The following ITIH6 variants were observed in gnomAD, a reference collection of about 807,000 sequenced individuals.
ITIH6 encodes the protein inter-alpha-trypsin inhibitor heavy chain family member 6, also known as inter-alpha-trypsin inhibitor heavy chain H6.
A neutral mutation model predicts 58.2 loss-of-function variants in ITIH6; 60 were observed. The ratio of observed to expected loss-of-function variants is 1.03; its 90% CI spans 0.84 to 1.28. ITIH6 has a LOEUF of 1.28. Ranked by LOEUF, ITIH6 falls within the 50% of genes most tolerant of loss-of-function variation. ITIH6 has a pLI of 0.00. For missense variants in ITIH6, 1,290 were observed against 1,021.1 expected, an observed-to-expected ratio of 1.26 and a Z score of -3.59; for synonymous variants, 493 against 417.4, an observed-to-expected ratio of 1.18 and a Z score of -2.21.
chrX:54,766,912 T>G (rs1210832531), intron 6 of ITIH6, among the ~76,000 whole-genome samples: 1 of 107,227 alleles, frequency 9.3e-6, no homozygotes, highest in Admixed American at 1.0e-4. Context: ...ATGAAATGAG[T>G]TAGGGAGGAT....
intron 11 of ITIH6, among the ~76,000 whole-genome samples, chrX:54,751,735 A>G: frequency 9.0e-6 from 1 of 111,549 alleles, no homozygotes; most frequent in Non-Finnish European, 1.9e-5. Context: ...TTTTGCTTGT[A>G]TATTTATGTA....
chrX:54,784,318 A>C (rs1407723566), intron 5 of ITIH6, among the ~76,000 whole-genome samples: 1 of 111,974 alleles, frequency 8.9e-6, no homozygotes, highest in African/African-American at 3.2e-5. Context: ...AGCACAAGCA[A>C]CCGTAGTAAA....
chrX:54,786,429 A>G (rs1007419194), intron 5 of ITIH6, among the ~76,000 whole-genome samples: 1 of 111,693 alleles, frequency 9.0e-6, no homozygotes, highest in Admixed American at 9.5e-5. Flanking sequence ...CTGGTCACCT[A>G]CAGGACAAAT....
At position 54,763,958 on chromosome X, in the gene ITIH6, A is replaced by G. The variant is rs978501771; in HGVS notation, c.904-4031T>C. Among the ~76,000 whole-genome samples the G allele has an allele frequency of 2.7e-5, 3 of 112,299 alleles. No homozygotes were observed. The South Asian group carries it at 1.1e-3, about 41-fold the overall frequency. On this transcript the variant is annotated intron_variant, in intron 6 of 12. Transcript: ENST00000218436. ...ATATAATGCAACTATTTATTGCTGAAAATTTCCTTGCTTTGAAGTCTATTT... is the reference window on the plus strand; with the variant it reads ...ATATAATGCAACTATTTATTGCTGAGAATTTCCTTGCTTTGAAGTCTATTT...
rs1569543878 is a variant in ITIH6, at chrX:54,757,722, G to A, written c.2352C>T (p.Ser784=). Residue 784 remains serine (S), a synonymous_variant, in exon 8 of 13, where the codon TCC becomes TCT. Coordinates refer to ENST00000218436, the MANE Select transcript of ITIH6 (RefSeq NM_198510.3). The part of the protein sequence containing the change: ...DTVKCVTPLH[S]KPGAPSHPQL... ...GGGGGTGCGATGGAGCACCAGGTTTGGAATGCAGTGGAGTAACACATTTCA... is the reference window on the plus strand; with the variant it reads ...GGGGGTGCGATGGAGCACCAGGTTTAGAATGCAGTGGAGTAACACATTTCA... 2 of 1,211,594 alleles carry A rather than the reference G, an allele frequency of 1.7e-6. No individual in the cohort carries two copies. The highest frequency in any genetic ancestry group is 2.2e-5 in the Admixed American group (1 of 46,031).
At chrX:54,784,962 G>A (rs1929216282) in intron 5 of ITIH6, among the ~76,000 whole-genome samples, 1 of 111,685 alleles carries the variant, frequency 9.0e-6, no homozygotes, top group Non-Finnish European at 1.9e-5. Context: ...ATCAACAGAC[G>A]AATGTATAAA....
Position 54,749,740 on chromosome X carries a change from G to A in ITIH6, c.*155C>T, listed in dbSNP as rs920262017. On this transcript the variant is annotated 3_prime_UTR_variant, in exon 13 of 13. Coordinates refer to ENST00000218436, the MANE Select transcript of ITIH6 (RefSeq NM_198510.3). Reference sequence around the variant, plus strand: ...TATGTCTCTGCATGTCTATGTGTTTGTATACCCTTGTATATGTGTTCCTTA... The same window carrying A: ...TATGTCTCTGCATGTCTATGTGTTTATATACCCTTGTATATGTGTTCCTTA... 9.0e-6 allele frequency: 4 copies of A among 443,062 alleles called. No homozygotes were observed. Among genetic ancestry groups the A allele is most frequent in the South Asian group, 7.8e-5 (2 of 25,732 alleles). 36.5% of individuals were successfully genotyped at this position (443,062 alleles called of 1,213,427 possible).
intron 2 of ITIH6, 60 bp from the exon 3 acceptor site, chrX:54,792,096 G>T: frequency 1.2e-6 from 1 of 808,717 alleles, no homozygotes; most frequent in Non-Finnish European, 1.9e-6. Flanking sequence ...GTTGGTCAGA[G>T]ACAGAGAAAG....
In ITIH6 at chrX:54,768,890, G is replaced by T. The variant is rs1456720082; in HGVS notation, c.903+5191C>A. Among the ~76,000 whole-genome samples, 18 of 108,228 alleles carry T rather than the reference G, an allele frequency of 1.7e-4. 1 individual carries two copies. The highest frequency in any genetic ancestry group is 6.4e-4 in the African/African-American group (18 of 28,314). The allele number at this position is 108,228 out of a possible 115,157, so 94.0% of individuals were successfully genotyped here. On this transcript the variant is annotated intron_variant, in intron 6 of 12. Coordinates refer to ENST00000218436, the MANE Select transcript of ITIH6 (RefSeq NM_198510.3). Reference sequence around the variant, plus strand: ...GCTCTTCTCGAGGAGTATCTTTGTGGTGTTCTCTGTATTTCCTGAATCTGA... The same window carrying T: ...GCTCTTCTCGAGGAGTATCTTTGTGTTGTTCTCTGTATTTCCTGAATCTGA...
At chrX:54,794,795 A>G (rs896251678) in intron 2 of ITIH6, among the ~76,000 whole-genome samples, 2 of 110,984 alleles carry the variant, frequency 1.8e-5, no homozygotes, top group African/African-American at 6.5e-5. Context: ...GGGCTCACTT[A>G]TCTGGTAAAT....
intron 5 of ITIH6, among the ~76,000 whole-genome samples, chrX:54,774,468 G>A (rs1224788336): frequency 8.8e-6 from 1 of 113,116 alleles, no homozygotes; most frequent in Non-Finnish European, 1.9e-5. Context: ...CAAGGATCAG[G>A]ATCTCTGTAA....
chrX:54,751,301 G>A lies in ITIH6; in HGVS notation c.3432C>T (p.Ile1144=). The A allele has an allele frequency of 8.3e-7, 1 of 1,211,871 alleles. No individual in the cohort carries two copies. The highest frequency in any genetic ancestry group is 1.1e-6 in the Non-Finnish European group (1 of 895,378). Residue 1144 remains isoleucine, a synonymous_variant, in exon 12 of 13, where the codon ATC becomes ATT. Coordinates refer to ENST00000218436, the MANE Select transcript of ITIH6 (RefSeq NM_198510.3). ...HKDQTRTYFQ[I]ITVTTDKPRA... is the part of the protein sequence containing the mutation. Reference sequence around the variant, plus strand: ...GGGGTTTGTCTGTAGTGACTGTGATGATCTGGAAGTAGGTGCGAGTCTGGT... The same window carrying A: ...GGGGTTTGTCTGTAGTGACTGTGATAATCTGGAAGTAGGTGCGAGTCTGGT...
intron 4 of ITIH6, among the ~76,000 whole-genome samples, chrX:54,789,589 G>A (rs866181134): frequency 4.6e-4 from 52 of 112,304 alleles, no homozygotes; most frequent in Middle Eastern, 9.2e-3. Context: ...CGGCCTGCCC[G>A]GACTCAAATG....
At position 54,758,682 on chromosome X, in the gene ITIH6, G is replaced by C. The variant is rs147935509; in HGVS notation, c.1392C>G (p.Gly464=). 2.5e-6 allele frequency: 3 copies of C among 1,211,616 alleles called. No individual in the cohort carries two copies. Among genetic ancestry groups the C allele is most frequent in the Non-Finnish European group, 3.4e-6 (3 of 895,406 alleles). The change falls in exon 8 of 13, where the codon GGC becomes GGG. Residue 464 remains glycine, a synonymous_variant. Coordinates refer to ENST00000218436, the MANE Select transcript of ITIH6 (RefSeq NM_198510.3). The part of the protein sequence containing the change: ...EDTDAALQLK[G]LYEEISMPLL... ...GAGGCATGGAGATCTCCTCATAGAG[G>C]CCCTTCAGCTGTAGGGCCGCATCAG... is the stretch of plus-strand genomic sequence containing the variant.
chrX:54,758,759 G>A lies in ITIH6; in HGVS notation c.1315C>T (p.Arg439Cys), dbSNP rs761011368. The A allele has an allele frequency of 6.6e-6, 8 of 1,210,397 alleles. No homozygotes were observed. In the South Asian group the frequency reaches 7.0e-5, roughly 11 times the overall value. ...FGDDADFTLL[R>C]RLSLENRGIA... ...CCCCGGTTTTCCAGGGACAGGCGGC[G>A]CAGCAGTGTAAAGTCAGCATCATCC... is the stretch of plus-strand genomic sequence containing the variant. The change falls in exon 8 of 13, where the codon CGC becomes TGC. Residue 439 changes from arginine (R) to cysteine (C), a missense_variant. By Grantham distance (180) the Arg-to-Cys change is radical. Transcript: ENST00000218436.
intron 11 of ITIH6, among the ~76,000 whole-genome samples, chrX:54,751,747 G>A (rs992238872): frequency 2.7e-5 from 3 of 111,393 alleles, no homozygotes; most frequent in Admixed American, 9.5e-5. Flanking sequence ...ATTTATGTAT[G>A]CGCCTCTGGA....
intron 5 of ITIH6, among the ~76,000 whole-genome samples, chrX:54,775,591 C>G (rs1929036252): frequency 8.9e-6 from 1 of 111,767 alleles, no homozygotes; most frequent in Non-Finnish European, 1.9e-5. Context: ...TTAACATGTA[C>G]CCCACTGGGT....
At chrX:54,774,870 G>A (rs772965001) in intron 5 of ITIH6, among the ~76,000 whole-genome samples, 1 of 112,027 alleles carries the variant, frequency 8.9e-6, no homozygotes, top group African/African-American at 3.2e-5. Flanking sequence ...GGGGAGGGGG[G>A]CTGGGAGGGC....
chrX:54,783,907 G>A (rs1030089339), intron 5 of ITIH6, among the ~76,000 whole-genome samples: 1 of 112,032 alleles, frequency 8.9e-6, no homozygotes, highest in Non-Finnish European at 1.9e-5. Flanking sequence ...GAACAAAACT[G>A]GAGGAATCAC....
Sources: gnomAD v4.1 joint callset for allele counts (sites outside exome capture counted in the v4.1 genomes callset) on GRCh38, gnomAD v4.1.1 for gene constraint, MANE v1.5 for transcripts, NCBI Gene and HGNC (gene_info 2026-07-23, HGNC 2026-07-21) for gene names.